Variants in STK40 observed in about 807,000 individuals in gnomAD.
STK40 encodes serine/threonine-protein kinase 40.
Under a neutral mutation model 47.9 loss-of-function variants are expected in STK40, and 13 were observed. The ratio of observed to expected loss-of-function variants is 0.27; its 90% CI spans 0.18 to 0.43. The LOEUF is 0.43. Ranked by LOEUF, STK40 falls within the 20% of genes least tolerant of loss-of-function variation. The pLI, the probability that STK40 is intolerant of heterozygous loss-of-function variation, is 1.00. For synonymous variants in STK40, 225 were observed against 243.2 expected (o/e 0.93, Z 0.69); for missense variants, 460 against 595.1 (o/e 0.77, Z 2.36).
At chr1:36,341,996 A>G in intron 10 of STK40, 23 bp from the exon 11 acceptor site, 1 of 1,595,870 alleles carries the variant, frequency 6.3e-7, no homozygotes, top group Non-Finnish European at 8.5e-7. Flanking sequence ...GAGGGTGGGA[A>G]GGAGACAAAG....
rs1646780965 is a variant in STK40 at position 36,353,988 on chromosome 1, C to T, written c.623+376G>A. Reference sequence around the variant, plus strand: ...TTATGTTGCCCAGGCTGGTCTCAAACTCCTGGGCTCAAGTGATCCTCCCGC... The same window carrying T: ...TTATGTTGCCCAGGCTGGTCTCAAATTCCTGGGCTCAAGTGATCCTCCCGC... On this transcript the variant is annotated intron_variant, in intron 6 of 10. Transcript: ENST00000373132. Among the ~76,000 whole-genome samples the T allele has an allele frequency of 2.0e-5, 3 of 152,162 alleles. No individual in the cohort carries two copies. In the South Asian group the frequency reaches 6.2e-4, roughly 32 times the overall value.
In STK40 at chr1:36,352,391, T is replaced by C. The variant is rs553320501; in HGVS notation, c.623+1973A>G. On this transcript the variant is annotated intron_variant, in intron 6 of 10. Coordinates refer to ENST00000373132, the MANE Select transcript of STK40 (RefSeq NM_001282547.2). The stretch of plus-strand genomic sequence containing the variant: ...GGCCAATCTTCCCAGGAAGCCAGGA[T>C]GACCTTCACTTTCACAGATGAGGAA... Among the ~76,000 whole-genome samples, 10 of 152,320 alleles carry C rather than the reference T, an allele frequency of 6.6e-5. 1 individual carries two copies. The highest frequency in any genetic ancestry group is 5.2e-4 in the Admixed American group (8 of 15,306).
chr1:36,377,940 A>G (rs1647005956), intron 1 of STK40, among the ~76,000 whole-genome samples: 1 of 152,216 alleles, frequency 6.6e-6, no homozygotes, highest in African/African-American at 2.4e-5. Context: ...CCTGTGTCTC[A>G]TGACTACCTT....
intron 1 of STK40, among the ~76,000 whole-genome samples, chr1:36,367,696 G>A (rs1396969586): frequency 2.1e-5 from 3 of 145,518 alleles, no homozygotes; most frequent in Middle Eastern, 3.4e-3. Flanking sequence ...CAGATGAAAC[G>A]CCACCACTGA....
Position 36,344,200 on chromosome 1 carries a change from C to G in STK40, c.804G>C (p.Leu268=). Residue 268 remains leucine (L), a synonymous_variant, in exon 8 of 11, where the codon CTG becomes CTC. Coordinates refer to ENST00000373132, the MANE Select transcript of STK40 (RefSeq NM_001282547.2). The stretch of plus-strand genomic sequence containing the variant: ...TGTCGTAGAAGGGGAACTGGCCATA[C>G]AGCATGGTGAAGAGCACCACGCCCA... ...WALGVVLFTM[L]YGQFPFYDSI... is the part of the protein sequence containing the mutation. The G allele has an allele frequency of 6.2e-7, 1 of 1,613,212 alleles. No individual in the cohort carries two copies. The highest frequency in any genetic ancestry group is 8.5e-7 in the Non-Finnish European group (1 of 1,179,814).
intron 5 of STK40, among the ~76,000 whole-genome samples, chr1:36,354,848 C>T (rs528951043): frequency 6.6e-6 from 1 of 152,150 alleles, no homozygotes; most frequent in African/African-American, 2.4e-5. Flanking sequence ...TTTGTCCCAG[C>T]GTGCCTGACA....
intron 1 of STK40, among the ~76,000 whole-genome samples, chr1:36,375,439 G>C (rs918451247): frequency 2.6e-5 from 4 of 151,758 alleles, no homozygotes; most frequent in African/African-American, 9.7e-5. Context: ...CCCAGGAGGT[G>C]GAGGCTGCAG....
intron 1 of STK40, among the ~76,000 whole-genome samples, chr1:36,371,685 CAAAAAAAAAAAA>C (rs57138983): frequency 0.037 from 1,038 of 28,020 alleles, 20 homozygotes; most frequent in African/African-American, 0.11. Flanking sequence ...ACCCTGTCTC[CAAAAAAAAAAAA>C]AAAAAAAAAA....
At chr1:36,375,217 C>T (rs992657142) in intron 1 of STK40, among the ~76,000 whole-genome samples, 2 of 152,098 alleles carry the variant, frequency 1.3e-5, no homozygotes, top group Admixed American at 6.6e-5. Flanking sequence ...AGAAATGTTA[C>T]GTTTCCTGGC....
At chr1:36,363,192 T>A (rs1349118326) in intron 1 of STK40, among the ~76,000 whole-genome samples, 1 of 151,744 alleles carries the variant, frequency 6.6e-6, no homozygotes, top group African/African-American at 2.4e-5. Context: ...TGGGCGCCTG[T>A]CTCGGGAGGC....
At position 36,358,922 on chromosome 1, in the gene STK40, C is replaced by A; in HGVS notation, c.113-100G>T. 3 of 1,315,148 alleles carry A rather than the reference C, an allele frequency of 2.3e-6. No individual in the cohort carries two copies. In the Middle Eastern group the frequency reaches 5.5e-4, roughly 240 times the overall value. The allele number at this position is 1,315,148 out of a possible 1,614,324, so 81.5% of individuals were successfully genotyped here. On this transcript the variant is annotated intron_variant, in intron 2 of 10. Transcript: ENST00000373132. ...TTACTAGACCTTCTATTCAGGAGGGCACCATAGCTCATGTGTACTGGACTG... is the reference window on the plus strand; with the variant it reads ...TTACTAGACCTTCTATTCAGGAGGGAACCATAGCTCATGTGTACTGGACTG...
At chr1:36,370,313 G>A (rs911308809) in intron 1 of STK40, among the ~76,000 whole-genome samples, 5 of 152,218 alleles carry the variant, frequency 3.3e-5, no homozygotes, top group Admixed American at 6.5e-5. Flanking sequence ...GCTTTCCTGC[G>A]GCAAGATGTG....
At chr1:36,373,307 T>C (rs771227755) in intron 1 of STK40, among the ~76,000 whole-genome samples, 45 of 152,186 alleles carry the variant, frequency 3.0e-4, no homozygotes, top group Non-Finnish European at 4.6e-4. Flanking sequence ...TATGTCTTTT[T>C]TTCATTATCA....
At chr1:36,365,787 T>C (rs145072158) in intron 1 of STK40, among the ~76,000 whole-genome samples, 163 of 152,344 alleles carry the variant, frequency 1.1e-3, no homozygotes, top group Middle Eastern at 6.8e-3. Flanking sequence ...TCCTCCATAG[T>C]ACTTTCCAGA....
chr1:36,352,739 C>A (rs1646770045), intron 6 of STK40, among the ~76,000 whole-genome samples: 1 of 152,218 alleles, frequency 6.6e-6, no homozygotes, highest in South Asian at 2.1e-4. Context: ...AGCCACTGTC[C>A]CTCCACATGT....
chr1:36,364,976 T>C (rs896478291), intron 1 of STK40, among the ~76,000 whole-genome samples: 19 of 151,788 alleles, frequency 1.3e-4, no homozygotes, highest in Non-Finnish European at 2.2e-4. Flanking sequence ...TGCTATTGTT[T>C]TGGTCCTTAT....
At chr1:36,344,668 G>T (rs1025226446) in intron 7 of STK40, among the ~76,000 whole-genome samples, 1 of 152,144 alleles carries the variant, frequency 6.6e-6, no homozygotes, top group African/African-American at 2.4e-5. Context: ...TTCACAGCCC[G>T]GATGACTACT....
chr1:36,358,450 C>A, intron 3 of STK40, 68 bp from the exon 4 acceptor site: 1 of 1,536,310 alleles, frequency 6.5e-7, no homozygotes, highest in Non-Finnish European at 8.8e-7. Flanking sequence ...ACAACCAGAA[C>A]GGGGGAAGCA....
At chr1:36,385,070 G>A (rs1647073757) in intron 1 of STK40, among the ~76,000 whole-genome samples, 1 of 152,214 alleles carries the variant, frequency 6.6e-6, no homozygotes, top group Non-Finnish European at 1.5e-5. Context: ...TCGGCATCAG[G>A]AATCCGAATG....
Sources: gnomAD v4.1 joint callset for allele counts (sites outside exome capture counted in the v4.1 genomes callset) on GRCh38, gnomAD v4.1.1 for gene constraint, MANE v1.5 for transcripts, NCBI Gene and HGNC (gene_info 2026-07-23, HGNC 2026-07-21) for gene names.